KIRREL1: variants seen among roughly 807,000 people sequenced by gnomAD.
KIRREL1 encodes kin of IRRE-like protein 1.
A neutral mutation model predicts 83.3 loss-of-function variants in KIRREL1; 25 were observed. The ratio of observed to expected loss-of-function variants is 0.30; its 90% CI spans 0.22 to 0.42. The LOEUF is 0.42. KIRREL1 is among the 10% of genes least tolerant of loss of function. KIRREL1 has a pLI of 1.00. For missense variants in KIRREL1, 812 were observed against 1,032.3 expected (o/e 0.79, Z 2.92); for synonymous variants, 388 against 410.4 (o/e 0.95, Z 0.66).
chr1:158,016,228 C>G (rs1267054921), intron 1 of KIRREL1, among the ~76,000 whole-genome samples: 1 of 151,778 alleles, frequency 6.6e-6, no homozygotes, highest in Non-Finnish European at 1.5e-5. Flanking sequence ...GTTGTGAACC[C>G]TGTAGGCAGA....
intron 1 of KIRREL1, among the ~76,000 whole-genome samples, chr1:158,028,694 A>G (rs913074131): frequency 6.6e-6 from 1 of 152,180 alleles, no homozygotes; most frequent in Non-Finnish European, 1.5e-5. Flanking sequence ...ACTGAAAACT[A>G]CATAGCACTT....
chr1:158,088,196 GC>G, intron 7 of KIRREL1, 42 bp downstream of exon 7: 1 of 1,613,790 alleles, frequency 6.2e-7, no homozygotes, highest in Admixed American at 1.7e-5. Flanking sequence ...GAGAGCAGGG[GC>G]CCCCAAAGGG....
chr1:158,086,311 T>G (rs1189647209), intron 4 of KIRREL1, among the ~76,000 whole-genome samples: 1 of 152,076 alleles, frequency 6.6e-6, no homozygotes, highest in Non-Finnish European at 1.5e-5. Context: ...CTCAGAAGGC[T>G]CAGGCAGGAG....
At chr1:158,089,416 T>C in intron 8 of KIRREL1, 86 bp from the exon 9 acceptor site, 5 of 1,582,146 alleles carry the variant, frequency 3.2e-6, no homozygotes, top group Non-Finnish European at 4.3e-6. Flanking sequence ...TCCTGCTTTC[T>C]TTCCGATGCC....
At chr1:157,995,579 A>G (rs1227122527) in intron 1 of KIRREL1, among the ~76,000 whole-genome samples, 4 of 152,196 alleles carry the variant, frequency 2.6e-5, no homozygotes, top group African/African-American at 4.8e-5. Context: ...CCTTTCTTAC[A>G]GCCCTTACAT....
rs1474957010 is a variant in KIRREL1, at chr1:158,095,101, G to A, written c.2255G>A (p.Arg752His). ...HSDYGQRFQQ[R>H]MQTHV is the part of the protein sequence containing the mutation. ...GACTACGGCCAGCGATTCCAGCAGC[G>A]CATGCAGACTCACGTGTAGGGGCCA... The change falls in exon 15 of 15, where the codon CGC (arginine) becomes CAC (histidine). Residue 752 changes from arginine (R) to histidine (H), a missense_variant. By Grantham distance (29) the Arg-to-His change is conservative. This residue lies in a region of KIRREL1 where 334 missense variants were observed against 383.7 expected (regional missense o/e 0.87). Transcript: ENST00000359209. 6 of 1,601,872 alleles carry A rather than the reference G, an allele frequency of 3.7e-6. No homozygotes were observed. The highest frequency in any genetic ancestry group is 1.1e-5 in the South Asian group (1 of 89,812).
At chr1:158,020,916 A>G (rs146150487) in intron 1 of KIRREL1, among the ~76,000 whole-genome samples, 10 of 152,310 alleles carry the variant, frequency 6.6e-5, no homozygotes, top group African/African-American at 2.4e-4. Flanking sequence ...AAACGTTTTC[A>G]TCATAATTGA....
chr1:158,008,300 C>T (rs1215112723), intron 1 of KIRREL1, among the ~76,000 whole-genome samples: 3 of 152,046 alleles, frequency 2.0e-5, no homozygotes, highest in African/African-American at 7.2e-5. Context: ...CCCAGCAGGC[C>T]CCAGGGGTCT....
intron 3 of KIRREL1, among the ~76,000 whole-genome samples, chr1:158,081,704 TC>T (rs1661862960): frequency 6.6e-6 from 1 of 152,164 alleles, no homozygotes; most frequent in Admixed American, 6.5e-5. Flanking sequence ...TTGTCATTTG[TC>T]CCATATATGA....
At chr1:158,092,408 T>C (rs1662226505) in intron 11 of KIRREL1, among the ~76,000 whole-genome samples, 1 of 136,354 alleles carries the variant, frequency 7.3e-6, no homozygotes, top group African/African-American at 2.7e-5. Context: ...AGTGCAGTGG[T>C]GCGATCTTGG....
intron 1 of KIRREL1, among the ~76,000 whole-genome samples, chr1:158,057,906 C>T (rs1661108863): frequency 6.6e-6 from 1 of 152,186 alleles, no homozygotes; most frequent in South Asian, 2.1e-4. Flanking sequence ...TACCTAGGGG[C>T]TTTCTCTAAC....
intron 1 of KIRREL1, among the ~76,000 whole-genome samples, chr1:158,029,372 T>TGTGCGC (rs1190966368): frequency 1.3e-5 from 2 of 149,396 alleles, no homozygotes; most frequent in Non-Finnish European, 3.0e-5. Context: ...TGTGTGCACG[T>TGTGCGC]GCGCGCGCAT....
chr1:158,054,905 T>C lies in KIRREL1; in HGVS notation c.53-21208T>C, dbSNP rs905534759. Among the ~76,000 whole-genome samples the C allele has an allele frequency of 3.3e-5, 5 of 152,216 alleles. No individual in the cohort carries two copies. The East Asian group carries it at 9.7e-4, about 29-fold the overall frequency. On this transcript the variant is annotated intron_variant, in intron 1 of 14. Transcript: ENST00000359209. Reference sequence around the variant, plus strand: ...GATGGAAGTTCCTGATCTTGACAAGTTTACTACCTACACTGTGGGTGGAGG... The same window carrying C: ...GATGGAAGTTCCTGATCTTGACAAGCTTACTACCTACACTGTGGGTGGAGG...
chr1:158,010,326 AACACACACACAC>A (rs56353855), intron 1 of KIRREL1, among the ~76,000 whole-genome samples: 8 of 72,228 alleles, frequency 1.1e-4, no homozygotes, highest in Non-Finnish European at 1.8e-4. Flanking sequence ...CCCCACCATA[AACACACACACAC>A]ACACACACAC....
chr1:158,068,130 T>C (rs1485462658), intron 1 of KIRREL1, among the ~76,000 whole-genome samples: 1 of 152,176 alleles, frequency 6.6e-6, no homozygotes, highest in Admixed American at 6.6e-5. Flanking sequence ...GTCTGGGCAT[T>C]TGAGGCTCCT....
chr1:158,052,288 C>G (rs1279528020), intron 1 of KIRREL1, among the ~76,000 whole-genome samples: 1 of 152,150 alleles, frequency 6.6e-6, no homozygotes, highest in Admixed American at 6.5e-5. Context: ...GAGGAACTGT[C>G]CCGCTCCCAG....
Position 158,078,009 on chromosome 1 carries a change from T to A in KIRREL1, c.221T>A (p.Val74Asp). The A allele has an allele frequency of 6.2e-7, 1 of 1,614,028 alleles. No homozygotes were observed. Among genetic ancestry groups the A allele is most frequent in the Non-Finnish European group, 8.5e-7 (1 of 1,179,998 alleles). The change falls in exon 3 of 15, where the codon GTT (valine) becomes GAT (aspartate). Residue 74 changes from valine to aspartate, a missense_variant. Transcript: ENST00000359209. The part of the protein sequence containing the change: ...QGLKAWPRYR[V>D]VGSADAGQYN... ...TCTGCAGCCTGGCCACGGTACCGGG[T>A]TGTGGGCTCCGCAGACGCTGGGCAG...
intron 1 of KIRREL1, among the ~76,000 whole-genome samples, chr1:158,018,140 G>A (rs922261220): frequency 3.3e-5 from 5 of 152,140 alleles, no homozygotes; most frequent in African/African-American, 1.2e-4. Flanking sequence ...TGAGGCTGGT[G>A]GAATATGCTG....
intron 1 of KIRREL1, among the ~76,000 whole-genome samples, chr1:158,032,429 A>G (rs540425399): frequency 6.6e-6 from 1 of 152,246 alleles, no homozygotes; most frequent in African/African-American, 2.4e-5. Flanking sequence ...GGAACATAGT[A>G]GGTGCTTGAA....
Sources: gnomAD v4.1 joint callset for allele counts (sites outside exome capture counted in the v4.1 genomes callset) on GRCh38, gnomAD v4.1.1 for gene constraint, gnomAD v4.1.1 regional missense constraint, MANE v1.5 for transcripts, NCBI Gene and HGNC (gene_info 2026-07-23, HGNC 2026-07-21) for gene names.